Variants in MTMR6 observed in about 807,000 individuals in gnomAD.
The protein encoded by MTMR6 is phosphatidylinositol-3,5-bisphosphate 3-phosphatase MTMR6.
A neutral mutation model predicts 80.1 loss-of-function variants in MTMR6; 47 were observed. The observed-to-expected ratio is 0.59, with a 90% CI of 0.46 to 0.75. MTMR6 has a LOEUF of 0.75. MTMR6 is among the 30% of genes least tolerant of loss of function. MTMR6 has a pLI of 0.00. For synonymous variants in MTMR6, 254 were observed against 253.0 expected (o/e 1.00, Z -0.04); for missense variants, 629 against 730.9 (o/e 0.86, Z 1.61).
At chr13:25,264,262 C>CAAAA (rs1957402732) in intron 5 of MTMR6, among the ~76,000 whole-genome samples, 1 of 36,316 alleles carries the variant, frequency 2.8e-5, no homozygotes, top group Non-Finnish European at 8.6e-5. Context: ...TCCAGAAAAT[C>CAAAA]CAAAAAAAAA....
chr13:25,260,742 T>C, intron 6 of MTMR6: 1 of 947,826 alleles, frequency 1.1e-6, no homozygotes, highest in Non-Finnish European at 1.4e-6. Flanking sequence ...TTTTAATTAT[T>C]TTAGTTTCAG....
chr13:25,275,896 A>AGGGGAGAGGAGGGGAGG (rs1957714067), intron 1 of MTMR6, among the ~76,000 whole-genome samples: 1 of 23,328 alleles, frequency 4.3e-5, no homozygotes, highest in African/African-American at 1.8e-4. Context: ...GGGAGGGGAG[A>AGGGGAGAGGAGGGGAGG]GGAGGGGAGG....
intron 7 of MTMR6, 34 bp downstream of exon 7, chr13:25,258,526 A>G (rs777838861): frequency 1.9e-6 from 3 of 1,551,398 alleles, no homozygotes; most frequent in Non-Finnish European, 2.6e-6. Flanking sequence ...TTTCTTTTGG[A>G]CAAGGGTGTC....
At chr13:25,276,364 T>C in intron 1 of MTMR6, among the ~76,000 whole-genome samples, 1 of 152,182 alleles carries the variant, frequency 6.6e-6, no homozygotes, top group East Asian at 1.9e-4. Flanking sequence ...TCAAATAGCT[T>C]CTCAGAAAAA....
chr13:25,279,314 GCT>G (rs200875623), intron 1 of MTMR6, among the ~76,000 whole-genome samples: 44 of 151,696 alleles, frequency 2.9e-4, no homozygotes, highest in African/African-American at 1.0e-3. Flanking sequence ...TTCCCCCTTT[GCT>G]CTCTCTCTCT....
In MTMR6 at chr13:25,246,470, A is replaced by G. The variant is rs1956981316; in HGVS notation, c.*2762T>C. ...CTTGGAATTCTACATGGAAAAGCCA[A>G]CAAAATAACTAAAACTTGACTAATG... On this transcript the variant is annotated 3_prime_UTR_variant, in exon 14 of 14. Transcript: ENST00000381801. 1 of 152,686 alleles carries G rather than the reference A, an allele frequency of 6.5e-6. No individual in the cohort carries two copies. Among genetic ancestry groups the G allele is most frequent in the Non-Finnish European group, 1.5e-5 (1 of 68,050 alleles). The allele number at this position is 152,686 out of a possible 1,614,324, so 9.5% of individuals were successfully genotyped here.
rs1957248310 is a variant in MTMR6, at chr13:25,257,823, A to T, written c.882T>A (p.Ser294=). The change falls in exon 8 of 14, where the codon TCT becomes TCA. Residue 294 remains serine, a synonymous_variant. Transcript: ENST00000381801. ...CCAAACCGGAGTAGAAATCATTGAC[A>T]GAAAGCCCTTTAGTGCCATTGACTG... The part of the protein sequence containing the change: ...LLEVNGTKGL[S]VNDFYSGLES... The T allele has an allele frequency of 6.2e-7, 1 of 1,613,660 alleles. No individual in the cohort carries two copies. The highest frequency in any genetic ancestry group is 1.1e-5 in the South Asian group (1 of 91,060).
intron 2 of MTMR6, among the ~76,000 whole-genome samples, chr13:25,269,457 A>G (rs780472270): frequency 3.2e-4 from 49 of 152,094 alleles, no homozygotes; most frequent in Non-Finnish European, 4.7e-4. Flanking sequence ...TGCTACTAAA[A>G]ATGCCTACTT....
At chr13:25,270,463 C>T (rs1340221727) in intron 2 of MTMR6, among the ~76,000 whole-genome samples, 1 of 151,910 alleles carries the variant, frequency 6.6e-6, no homozygotes, top group Non-Finnish European at 1.5e-5. Flanking sequence ...TTTTTGTTGC[C>T]CCTCAAACTA....
At chr13:25,266,787 T>C (rs1957465023) in intron 3 of MTMR6, among the ~76,000 whole-genome samples, 2 of 152,178 alleles carry the variant, frequency 1.3e-5, no homozygotes, top group Admixed American at 1.3e-4. Flanking sequence ...CTGGCTTAAT[T>C]TGAGACAATA....
At chr13:25,272,574 T>C (rs1192066668) in intron 2 of MTMR6, among the ~76,000 whole-genome samples, 1 of 152,192 alleles carries the variant, frequency 6.6e-6, no homozygotes, top group Non-Finnish European at 1.5e-5. Flanking sequence ...AGGTAGTTTT[T>C]CAACCCTTGT....
chr13:25,274,949 C>CACACAT (rs1957677286), intron 1 of MTMR6, among the ~76,000 whole-genome samples: 1 of 127,640 alleles, frequency 7.8e-6, no homozygotes, highest in African/African-American at 3.4e-5. Flanking sequence ...GACACACACA[C>CACACAT]ACACACACAC....
At chr13:25,284,632 C>T (rs1287376005) in intron 1 of MTMR6, among the ~76,000 whole-genome samples, 1 of 152,180 alleles carries the variant, frequency 6.6e-6, no homozygotes. Flanking sequence ...GCTAATAAAT[C>T]TAAAACAATC....
chr13:25,274,290 T>G, intron 1 of MTMR6, 103 bp from the exon 2 acceptor site: 4 of 649,822 alleles, frequency 6.2e-6, no homozygotes, highest in South Asian at 2.1e-5. Flanking sequence ...TTCTTCCTCC[T>G]AAAATCATAA....
At chr13:25,282,234 T>C (rs368537324) in intron 1 of MTMR6, among the ~76,000 whole-genome samples, 5 of 152,132 alleles carry the variant, frequency 3.3e-5, no homozygotes, top group Admixed American at 6.6e-5. Flanking sequence ...TCACCTTCTC[T>C]GTAAGAGCTT....
At chr13:25,260,590 C>A in intron 6 of MTMR6, 1 of 1,282,802 alleles carries the variant, frequency 7.8e-7, no homozygotes, top group South Asian at 1.3e-5. Flanking sequence ...TTTCTCATTG[C>A]TTTCTCTTAT....
chr13:25,277,813 C>G (rs910951634), intron 1 of MTMR6, among the ~76,000 whole-genome samples: 2 of 152,156 alleles, frequency 1.3e-5, no homozygotes, highest in African/African-American at 2.4e-5. Context: ...AAAATCACTC[C>G]TCTAGAACTG....
In MTMR6 at chr13:25,261,681, T is replaced by C. The variant is rs773288042; in HGVS notation, c.713A>G (p.Asp238Gly). The C allele has an allele frequency of 1.2e-6, 2 of 1,610,718 alleles. No homozygotes were observed. The highest frequency in any genetic ancestry group is 1.7e-6 in the Non-Finnish European group (2 of 1,178,162). Residue 238 changes from aspartate (D) to glycine (G), a missense_variant, in exon 6 of 14, where the codon GAT (aspartate) becomes GGT (glycine). Transcript: ENST00000381801. ...NPVNRYMYVMDTRPKLNAMAN... is the reference protein window; with the variant it reads ...NPVNRYMYVMGTRPKLNAMAN... ...TAAAATACATACTTTTGGCCTGGTA[T>C]CCATGACGTACATATAGCGATTGAC...
At position 25,257,375 on chromosome 13, in the gene MTMR6, T is replaced by C. The variant is rs928003771; in HGVS notation, c.970-54A>G. ...CGTACTTTAAGGTAAACCAATAAAT[T>C]CTACTTGAAAATCATACTAGCAGGT... On this transcript the variant is annotated intron_variant, in intron 8 of 13. Transcript: ENST00000381801. The C allele has an allele frequency of 6.3e-6, 10 of 1,587,168 alleles. No homozygotes were observed. In the East Asian group the frequency reaches 2.3e-4, roughly 36 times the overall value.
Sources: gnomAD v4.1 joint callset for allele counts (sites outside exome capture counted in the v4.1 genomes callset) on GRCh38, gnomAD v4.1.1 for gene constraint, MANE v1.5 for transcripts, NCBI Gene and HGNC (gene_info 2026-07-23, HGNC 2026-07-21) for gene names.